SLC41A2: variants seen among roughly 807,000 people sequenced by gnomAD.
SLC41A2 encodes solute carrier family 41 member 2, also known as SLC41A1-like 1.
SLC41A2 carries 32 observed loss-of-function variants against 58.3 expected under a neutral mutation model. The ratio of observed to expected loss-of-function variants is 0.55; its 90% CI spans 0.41 to 0.74. The LOEUF is 0.74. Ranked by LOEUF, SLC41A2 falls within the 30% of genes least tolerant of loss-of-function variation. The probability of loss-of-function intolerance (pLI) is 0.00; values close to 1 mark genes in which losing one functional copy is unlikely to be tolerated. For synonymous variants in SLC41A2, 190 were observed against 235.0 expected (o/e 0.81, Z 1.75); for missense variants, 514 against 680.6 (o/e 0.76, Z 2.72).
intron 8 of SLC41A2, among the ~76,000 whole-genome samples, chr12:104,857,966 G>A (rs996025306): frequency 1.5e-4 from 23 of 151,976 alleles, no homozygotes; most frequent in Admixed American, 4.6e-4. Context: ...AAACCTGCAC[G>A]TTGTGCACAT....
chr12:104,848,661 T>A (rs2042693360), intron 8 of SLC41A2, among the ~76,000 whole-genome samples: 1 of 151,908 alleles, frequency 6.6e-6, no homozygotes, highest in Admixed American at 6.6e-5. Flanking sequence ...AATTAGCAAA[T>A]CAAATCCAGC....
chr12:104,933,678 CACACACACACAT>C (rs1374808839), intron 1 of SLC41A2, among the ~76,000 whole-genome samples: 3 of 145,782 alleles, frequency 2.1e-5, no homozygotes, highest in African/African-American at 8.2e-5. Flanking sequence ...AAAATAAATA[CACACACACACAT>C]ACACACACAC....
chr12:104,827,169 C>T (rs2041875292), intron 10 of SLC41A2, among the ~76,000 whole-genome samples: 1 of 152,218 alleles, frequency 6.6e-6, no homozygotes, highest in Non-Finnish European at 1.5e-5. Flanking sequence ...GCACACCTCT[C>T]TTATCTCTTG....
intron 1 of SLC41A2, among the ~76,000 whole-genome samples, chr12:104,956,003 T>C (rs79362778): frequency 0.012 from 1,889 of 152,326 alleles, 52 homozygotes; most frequent in African/African-American, 0.043. Flanking sequence ...GATTTGTGCT[T>C]GCCATTTATT....
intron 10 of SLC41A2, among the ~76,000 whole-genome samples, chr12:104,821,374 A>G (rs1267374922): frequency 6.6e-6 from 1 of 152,180 alleles, no homozygotes; most frequent in Non-Finnish European, 1.5e-5. Context: ...AATACGTTCC[A>G]GGAGACCTAC....
intron 6 of SLC41A2, among the ~76,000 whole-genome samples, chr12:104,879,314 T>C (rs1394908307): frequency 6.6e-6 from 1 of 152,230 alleles, no homozygotes; most frequent in Non-Finnish European, 1.5e-5. Context: ...TTTAGTTTAA[T>C]TAGATCCCAT....
At chr12:104,926,920 TA>T (rs199955785) in intron 2 of SLC41A2, among the ~76,000 whole-genome samples, 2,883 of 151,500 alleles carry the variant, frequency 0.019, 32 homozygotes, top group African/African-American at 0.036. Flanking sequence ...ACCTTGTCTC[TA>T]AAAAAAAATT....
chr12:104,859,935 G>T (rs1252986866), intron 8 of SLC41A2, among the ~76,000 whole-genome samples: 2 of 151,900 alleles, frequency 1.3e-5, no homozygotes, highest in African/African-American at 4.8e-5. Flanking sequence ...TGCAGGCAGG[G>T]TTTGGTCATA....
At position 104,803,367 on chromosome 12, in the gene SLC41A2, T is replaced by C. The variant is rs1283420560; in HGVS notation, c.*1785A>G. The C allele has an allele frequency of 1.3e-5, 2 of 152,196 alleles. No individual in the cohort carries two copies. Among genetic ancestry groups the C allele is most frequent in the African/African-American group, 4.8e-5 (2 of 41,472 alleles). 9.4% of individuals were successfully genotyped at this position (152,196 alleles called of 1,614,324 possible). Reference sequence around the variant, plus strand: ...ATAACTCTCCAAAGGAGAAATTCTATAATTAGTTCAGTTCTCTGCCTTAAA... The same window carrying C: ...ATAACTCTCCAAAGGAGAAATTCTACAATTAGTTCAGTTCTCTGCCTTAAA... On this transcript the variant is annotated 3_prime_UTR_variant, in exon 11 of 11. Coordinates refer to ENST00000258538, the MANE Select transcript of SLC41A2 (RefSeq NM_001352171.3).
At chr12:104,933,965 G>A (rs1275230123) in intron 1 of SLC41A2, among the ~76,000 whole-genome samples, 1 of 151,834 alleles carries the variant, frequency 6.6e-6, no homozygotes, top group Non-Finnish European at 1.5e-5. Flanking sequence ...CACCTATTAG[G>A]TACAATGCAC....
chr12:104,836,224 T>A (rs1027785475), intron 10 of SLC41A2, among the ~76,000 whole-genome samples: 13 of 152,154 alleles, frequency 8.5e-5, no homozygotes, highest in African/African-American at 3.1e-4. Context: ...CTTGGACAAA[T>A]CACTTAACTT....
chr12:104,956,212 G>C lies in SLC41A2; in HGVS notation c.-168+1876C>G, dbSNP rs571028407. Among the ~76,000 whole-genome samples, 3 of 152,302 alleles carry C rather than the reference G, an allele frequency of 2.0e-5. No individual in the cohort carries two copies. In the East Asian group the frequency reaches 5.8e-4, roughly 29 times the overall value. On this transcript the variant is annotated intron_variant, in intron 1 of 10. Coordinates refer to ENST00000258538, the MANE Select transcript of SLC41A2 (RefSeq NM_001352171.3). Reference sequence around the variant, plus strand: ...AAGGGGTCAGTAAGATGTCCAGAATGAACAGGTAGGGTATTCTTAAAGAAT... The same window carrying C: ...AAGGGGTCAGTAAGATGTCCAGAATCAACAGGTAGGGTATTCTTAAAGAAT...
At chr12:104,947,764 A>C (rs996392498) in intron 1 of SLC41A2, among the ~76,000 whole-genome samples, 2 of 152,160 alleles carry the variant, frequency 1.3e-5, no homozygotes. Flanking sequence ...AAAGACAATG[A>C]AAGTTGGATA....
intron 7 of SLC41A2, among the ~76,000 whole-genome samples, chr12:104,863,468 A>G (rs2043289124): frequency 6.6e-6 from 1 of 152,168 alleles, no homozygotes; most frequent in East Asian, 1.9e-4. Flanking sequence ...TAAAAGTACC[A>G]TAAAGTTCAT....
chr12:104,841,525 G>GA lies in SLC41A2; in HGVS notation c.1536+2946dup, dbSNP rs536123145. Among the ~76,000 whole-genome samples, 21 of 152,090 alleles carry GA rather than the reference G, an allele frequency of 1.4e-4. No individual in the cohort carries two copies. The South Asian group carries it at 4.4e-3, about 32-fold the overall frequency. On this transcript the variant is annotated intron_variant, in intron 10 of 10. Coordinates refer to ENST00000258538, the MANE Select transcript of SLC41A2 (RefSeq NM_001352171.3). ...TCCTATTTCTAGAATGGATGAGACAGACACAATAAATATTATAGATAATGT... is the reference window on the plus strand; with the variant it reads ...TCCTATTTCTAGAATGGATGAGACAGAACACAATAAATATTATAGATAATGT...
intron 2 of SLC41A2, among the ~76,000 whole-genome samples, chr12:104,915,637 T>C (rs991984840): frequency 8.5e-5 from 13 of 152,254 alleles, no homozygotes; most frequent in African/African-American, 3.1e-4. Context: ...GAGACTTTGC[T>C]GAAGTTGCTT....
intron 10 of SLC41A2, among the ~76,000 whole-genome samples, chr12:104,809,724 G>A (rs1006969571): frequency 3.3e-5 from 5 of 152,064 alleles, no homozygotes; most frequent in African/African-American, 7.2e-5. Flanking sequence ...AGAAAATATG[G>A]GGCCTAATAT....
chr12:104,928,733 A>T (rs2046946103), intron 1 of SLC41A2, 39 bp from the exon 2 acceptor site: 1 of 409,478 alleles, frequency 2.4e-6, no homozygotes, highest in African/African-American at 2.0e-5. Context: ...CAGAGAAACA[A>T]GATAGTTTCA....
chr12:104,826,020 A>G (rs2041831596), intron 10 of SLC41A2, among the ~76,000 whole-genome samples: 1 of 152,222 alleles, frequency 6.6e-6, no homozygotes, highest in Non-Finnish European at 1.5e-5. Context: ...TAAGAGGTAG[A>G]GAGTGAAGGG....
Sources: allele counts gnomAD v4.1 joint callset (sites outside exome capture counted in the v4.1 genomes callset), GRCh38; gene constraint gnomAD v4.1.1; transcripts MANE v1.5; gene names NCBI Gene and HGNC (gene_info 2026-07-23, HGNC 2026-07-21).